Variants in ARHGAP45 observed in about 807,000 individuals in gnomAD.
ARHGAP45 encodes the protein Rho GTPase activating protein 45.
In ARHGAP45, 56 loss-of-function variants were observed where a neutral mutation model predicts 116.1. The ratio of observed to expected loss-of-function variants is 0.48; its 90% CI spans 0.39 to 0.60. ARHGAP45 has a LOEUF of 0.60. ARHGAP45 is among the 20% of genes least tolerant of loss of function. ARHGAP45 has a pLI of 0.00. For synonymous variants in ARHGAP45, 866 were observed against 701.7 expected, an observed-to-expected ratio of 1.23 and a Z score of -3.70; for missense variants, 1,622 against 1,601.0, an observed-to-expected ratio of 1.01 and a Z score of -0.22.
rs1049910744 is a variant in ARHGAP45, at chr19:1,068,289, G to T, written c.91-125G>T. On this transcript the variant is annotated intron_variant, in intron 1 of 22. Coordinates refer to ENST00000313093, the MANE Select transcript of ARHGAP45 (RefSeq NM_012292.5). This position sits in a 1 kb window ranked among gnomAD's most constrained non-coding sequence, Gnocchi z 7.5. ...CCAAATCTCGGCCCTGTGACCTCTG[G>T]CCTTTGACCCCTGTGGGGTCAGGGT... The T allele has an allele frequency of 2.5e-6, 2 of 786,592 alleles. No homozygotes were observed. The highest frequency in any genetic ancestry group is 3.9e-6 in the Non-Finnish European group (2 of 511,800). 48.7% of individuals were successfully genotyped at this position (786,592 alleles called of 1,614,324 possible).
chr19:1,081,749 G>GGAGGAAGC lies in ARHGAP45; in HGVS notation c.2379+13_2379+20dup. 1 of 1,559,372 alleles carries GGAGGAAGC rather than the reference G, an allele frequency of 6.4e-7. No individual in the cohort carries two copies. Among genetic ancestry groups the GGAGGAAGC allele is most frequent in the Non-Finnish European group, 8.7e-7 (1 of 1,150,926 alleles). ...GCGCTGCGCACCAAGGTGAGGCGGG[G>GGAGGAAGC]GAGGAAGCGGCTCACAGCGAGGAGG... On this transcript the variant is annotated intron_variant, in intron 18 of 22. Transcript: ENST00000313093.
Position 1,086,120 on chromosome 19 carries a change from G to C in ARHGAP45, c.*114G>C. On this transcript the variant is annotated 3_prime_UTR_variant, in exon 23 of 23. Transcript: ENST00000313093. ...TGCGCCGTCCTGGGGTCGCTGCCGA[G>C]AGCGCCTGGACTTCGACGTCCCACC... is the stretch of plus-strand genomic sequence containing the variant. 2.0e-6 allele frequency: 2 copies of C among 986,530 alleles called. No homozygotes were observed. Among genetic ancestry groups the C allele is most frequent in the South Asian group, 1.6e-5 (1 of 62,906 alleles). The allele number at this position is 986,530 out of a possible 1,614,324, so 61.1% of individuals were successfully genotyped here. A position where few individuals can be genotyped will look rare whatever the true frequency, so the allele number is the denominator to read the frequency against.
At chr19:1,072,895 T>A (rs1344909625) in intron 2 of ARHGAP45, among the ~76,000 whole-genome samples, 1 of 152,168 alleles carries the variant, frequency 6.6e-6, no homozygotes, top group Non-Finnish European at 1.5e-5. Flanking sequence ...GTTTGCTTTC[T>A]GGAGGGACAA....
At position 1,068,382 on chromosome 19, in the gene ARHGAP45, C is replaced by T; in HGVS notation, c.91-32C>T. ...GAGGCCGTGTCCAGGCCGGAAAATC[C>T]CTTTAACGAGCTCCCCTCGGACCTG... On this transcript the variant is annotated intron_variant, in intron 1 of 22. Transcript: ENST00000313093. This position sits in a 1 kb window ranked among gnomAD's most constrained non-coding sequence, Gnocchi z 7.5. 1.4e-6 allele frequency: 2 copies of T among 1,479,210 alleles called. No individual in the cohort carries two copies. The highest frequency in any genetic ancestry group is 1.4e-5 in the African/African-American group (1 of 70,462). 91.6% of individuals were successfully genotyped at this position (1,479,210 alleles called of 1,614,324 possible).
upstream of ARHGAP45, chr19:1,066,197 G>A (rs1425007657): frequency 9.9e-6 from 15 of 1,512,910 alleles, no homozygotes; most frequent in Non-Finnish European, 1.3e-5. Context: ...AAGGAAAGAG[G>A]TTGGGGTTTT....
chr19:1,080,306 G>A lies in ARHGAP45; in HGVS notation c.1755G>A (p.Ala585=). The part of the protein sequence containing the change: ...RKSSFNVSDV[A]RPEAAGSPPE... ...GCAGCTTCAACGTGAGTGATGTGGC[G>A]CGGCCGGAGGCTGCCGGGAGCCCCC... The change falls in exon 14 of 23, where the codon GCG becomes GCA. Residue 585 remains alanine (A), a synonymous_variant. Transcript: ENST00000313093. 6.2e-7 allele frequency: 1 copy of A among 1,611,854 alleles called. No homozygotes were observed.
chr19:1,082,177 T>G (rs1352480941), intron 19 of ARHGAP45, among the ~76,000 whole-genome samples: 1 of 121,334 alleles, frequency 8.2e-6, no homozygotes, highest in Non-Finnish European at 1.7e-5. Context: ...GGGCCAGTTC[T>G]GCGCCGAGGC....
In ARHGAP45 at chr19:1,071,256, C is replaced by T; in HGVS notation, c.422-1893C>T. ...CATCGGTCAGCTGCCAGGCCCCACGCGCTCGCGGTCTCCGCGCCCCGACGG... is the reference window on the plus strand; with the variant it reads ...CATCGGTCAGCTGCCAGGCCCCACGTGCTCGCGGTCTCCGCGCCCCGACGG... On this transcript the variant is annotated intron_variant, in intron 2 of 22. Transcript: ENST00000313093. This position sits in a 1 kb window ranked among gnomAD's most constrained non-coding sequence, Gnocchi z 4.6. 2 of 1,479,798 alleles carry T rather than the reference C, an allele frequency of 1.4e-6. No homozygotes were observed. Among genetic ancestry groups the T allele is most frequent in the Non-Finnish European group, 8.9e-7 (1 of 1,119,602 alleles). The allele number at this position is 1,479,798 out of a possible 1,614,324, so 91.7% of individuals were successfully genotyped here. A position where few individuals can be genotyped will look rare whatever the true frequency, so the allele number is the denominator to read the frequency against.
chr19:1,082,024 G>T, intron 19 of ARHGAP45, 63 bp downstream of exon 19: 1 of 1,563,556 alleles, frequency 6.4e-7, no homozygotes. Flanking sequence ...AGGAGGAGGC[G>T]GGGTGGGGGT....
chr19:1,086,006 A>G lies in ARHGAP45; in HGVS notation c.3411A>G (p.Ter1137TrpextTer29), dbSNP rs774045477. Residue 1137 changes from the stop codon to tryptophan (W), a stop_lost, in exon 23 of 23, where the codon TGA (stop) becomes TGG (tryptophan). Transcript: ENST00000313093. ...SCRERQPEFV[*>W] ...GGGAAAGGCAGCCGGAATTCGTGTGAGCTGGGGTGGGGCTGGGACCACAGG... is the reference window on the plus strand; with the variant it reads ...GGGAAAGGCAGCCGGAATTCGTGTGGGCTGGGGTGGGGCTGGGACCACAGG... 6.2e-7 allele frequency: 1 copy of G among 1,610,470 alleles called. No individual in the cohort carries two copies. Among genetic ancestry groups the G allele is most frequent in the Non-Finnish European group, 8.5e-7 (1 of 1,178,378 alleles).
intron 11 of ARHGAP45, among the ~76,000 whole-genome samples, chr19:1,079,129 G>A (rs1321845556): frequency 2.7e-5 from 4 of 150,002 alleles, no homozygotes; most frequent in South Asian, 2.1e-4. Flanking sequence ...GCAGTGAGCC[G>A]AGATCGCGCC....
At position 1,068,362 on chromosome 19, in the gene ARHGAP45, C is replaced by G. The variant is rs1235228692; in HGVS notation, c.91-52C>G. 1 of 1,426,738 alleles carries G rather than the reference C, an allele frequency of 7.0e-7. No homozygotes were observed. Among genetic ancestry groups the G allele is most frequent in the Non-Finnish European group, 9.3e-7 (1 of 1,070,624 alleles). The allele number at this position is 1,426,738 out of a possible 1,614,324, so 88.4% of individuals were successfully genotyped here. On this transcript the variant is annotated intron_variant, in intron 1 of 22. Coordinates refer to ENST00000313093, the MANE Select transcript of ARHGAP45 (RefSeq NM_012292.5). This position sits in a 1 kb window ranked among gnomAD's most constrained non-coding sequence, Gnocchi z 7.5. Reference sequence around the variant, plus strand: ...ACTTCATTTCTGGGGAAACTGAGGCCGTGTCCAGGCCGGAAAATCCCTTTA... The same window carrying G: ...ACTTCATTTCTGGGGAAACTGAGGCGGTGTCCAGGCCGGAAAATCCCTTTA...
At chr19:1,074,557 C>T in intron 8 of ARHGAP45, 57 bp from the exon 9 acceptor site, 2 of 1,458,434 alleles carry the variant, frequency 1.4e-6, no homozygotes, top group African/African-American at 2.8e-5. Flanking sequence ...GCTGGGGGTG[C>T]TGGGGCCGCC....
intron 11 of ARHGAP45, among the ~76,000 whole-genome samples, chr19:1,079,134 C>T (rs1221368190): frequency 2.0e-4 from 30 of 149,912 alleles, no homozygotes; most frequent in Non-Finnish European, 5.9e-5. Context: ...GAGCCGAGAT[C>T]GCGCCACTGC....
chr19:1,082,890 G>A lies in ARHGAP45; in HGVS notation c.2568G>A (p.Leu856=). 1 of 1,588,918 alleles carries A rather than the reference G, an allele frequency of 6.3e-7. No individual in the cohort carries two copies. The highest frequency in any genetic ancestry group is 8.6e-7 in the Non-Finnish European group (1 of 1,167,992). ...GCCTCTACCACGAGCTCGTAGGGCT[G>A]GCCAAGGACAGCCTGAAGGCAGAGG... The part of the protein sequence containing the change: ...SFRLYHELVG[L]AKDSLKAEAE... Residue 856 remains leucine, a synonymous_variant, in exon 20 of 23, where the codon CTG becomes CTA. Coordinates refer to ENST00000313093, the MANE Select transcript of ARHGAP45 (RefSeq NM_012292.5).
In ARHGAP45 at chr19:1,068,401, G is replaced by C. The variant is rs1033172501; in HGVS notation, c.91-13G>C. On this transcript the variant is annotated splice_polypyrimidine_tract_variant and intron_variant, in intron 1 of 22. Transcript: ENST00000313093. The surrounding 1 kb of genome is among the most constrained non-coding windows in gnomAD (Gnocchi z 7.5). ...AAAATCCCTTTAACGAGCTCCCCTC[G>C]GACCTGCCCAAGGAGCTGCCCAGGA... 5.0e-5 allele frequency: 76 copies of C among 1,526,532 alleles called. No individual in the cohort carries two copies. The highest frequency in any genetic ancestry group is 6.5e-5 in the Non-Finnish European group (74 of 1,133,786). The allele number at this position is 1,526,532 out of a possible 1,614,324, so 94.6% of individuals were successfully genotyped here.
At position 1,074,604 on chromosome 19, in the gene ARHGAP45, C is replaced by G. The variant is rs1276031550; in HGVS notation, c.994-10C>G. 6.4e-7 allele frequency: 1 copy of G among 1,553,464 alleles called. No homozygotes were observed. Among genetic ancestry groups the G allele is most frequent in the East Asian group, 2.4e-5 (1 of 42,120 alleles). On this transcript the variant is annotated splice_polypyrimidine_tract_variant and intron_variant, in intron 8 of 22. Transcript: ENST00000313093. ...CCTCCCCACCCAGTGAGCCGGTGCCCCACCCACAGCCCCACATGCCGCTCC... is the reference window on the plus strand; with the variant it reads ...CCTCCCCACCCAGTGAGCCGGTGCCGCACCCACAGCCCCACATGCCGCTCC...
In ARHGAP45 at chr19:1,073,755, G is replaced by A. The variant is rs1419001701; in HGVS notation, c.723+9G>A. On this transcript the variant is annotated intron_variant, in intron 5 of 22. Transcript: ENST00000313093. Reference sequence around the variant, plus strand: ...CTGGGGACTCGAGCCAGGTGAGTGGGGTGGGCCAGGGCCACCTGTGTCCAG... The same window carrying A: ...CTGGGGACTCGAGCCAGGTGAGTGGAGTGGGCCAGGGCCACCTGTGTCCAG... 1.6e-5 allele frequency: 26 copies of A among 1,577,790 alleles called. No individual in the cohort carries two copies. The highest frequency in any genetic ancestry group is 2.2e-5 in the Non-Finnish European group (25 of 1,161,350).
In ARHGAP45 at chr19:1,074,889, GC is replaced by G; in HGVS notation, c.1185+11del. 2 of 1,430,954 alleles carry G rather than the reference GC, an allele frequency of 1.4e-6. No individual in the cohort carries two copies. Among genetic ancestry groups the G allele is most frequent in the Non-Finnish European group, 1.9e-6 (2 of 1,064,260 alleles). 88.6% of individuals were successfully genotyped at this position (1,430,954 alleles called of 1,614,324 possible). Reference sequence around the variant, plus strand: ...TGCCCAGAGGAAGCTGGTGAGGCGGGCGGGCGGGGGCGGGCGGGGGCGGGCA... The same window carrying G: ...TGCCCAGAGGAAGCTGGTGAGGCGGGGGGCGGGGGCGGGCGGGGGCGGGCA... On this transcript the variant is annotated intron_variant, in intron 10 of 22. Coordinates refer to ENST00000313093, the MANE Select transcript of ARHGAP45 (RefSeq NM_012292.5).
Sources: gnomAD v4.1 joint callset for allele counts (sites outside exome capture counted in the v4.1 genomes callset) on GRCh38, gnomAD v4.1.1 for gene constraint, Gnocchi (gnomAD v3.1) non-coding constraint, MANE v1.5 for transcripts, NCBI Gene and HGNC (gene_info 2026-07-23, HGNC 2026-07-21) for gene names.